Variants in SLC22A23 observed in about 807,000 individuals in gnomAD.
SLC22A23 encodes solute carrier family 22 member 23.
In SLC22A23, 26 loss-of-function variants were observed where a neutral mutation model predicts 61.0. The ratio of observed to expected loss-of-function variants is 0.43; its 90% CI spans 0.31 to 0.59. The LOEUF is 0.59. Ranked by LOEUF, SLC22A23 falls within the 20% of genes least tolerant of loss-of-function variation. The pLI is 0.11. For missense variants in SLC22A23, 796 were observed against 934.7 expected (o/e 0.85, Z 1.94); for synonymous variants, 430 against 413.9 (o/e 1.04, Z -0.47).
At position 3,272,878 on chromosome 6, in the gene SLC22A23, G is replaced by A. The variant is rs1055890686; in HGVS notation, c.*177C>T. Reference sequence around the variant, plus strand: ...TGAAAGGGTTATTTCCAAAGAGTTTGTCTCCTCCGACCCGCGCTCCTTGGA... The same window carrying A: ...TGAAAGGGTTATTTCCAAAGAGTTTATCTCCTCCGACCCGCGCTCCTTGGA... On this transcript the variant is annotated 3_prime_UTR_variant, in exon 10 of 10. Coordinates refer to ENST00000406686, the MANE Select transcript of SLC22A23 (RefSeq NM_015482.2). 1.1e-5 allele frequency: 6 copies of A among 542,212 alleles called. No individual in the cohort carries two copies. The highest frequency in any genetic ancestry group is 1.9e-5 in the Non-Finnish European group (6 of 312,396). 33.6% of individuals were successfully genotyped at this position (542,212 alleles called of 1,614,324 possible).
At chr6:3,393,694 A>G (rs1767813957) in intron 3 of SLC22A23, among the ~76,000 whole-genome samples, 1 of 152,230 alleles carries the variant, frequency 6.6e-6, no homozygotes, top group African/African-American at 2.4e-5. Flanking sequence ...CCTTTGTCCA[A>G]ATTCTTTGGG....
chr6:3,421,831 A>T (rs1248178735), intron 1 of SLC22A23, among the ~76,000 whole-genome samples: 1 of 152,244 alleles, frequency 6.6e-6, no homozygotes, highest in Non-Finnish European at 1.5e-5. Flanking sequence ...GTATTTTAAG[A>T]CAATCCTATA....
intron 1 of SLC22A23, among the ~76,000 whole-genome samples, chr6:3,446,879 A>C (rs1771921507): frequency 6.6e-6 from 1 of 152,148 alleles, no homozygotes; most frequent in South Asian, 2.1e-4. Context: ...CAGCTGGCTA[A>C]GGGCATCTCC....
Position 3,289,793 on chromosome 6 carries a change from C to A in SLC22A23, c.1284G>T (p.Trp428Cys). 2 of 1,613,978 alleles carry A rather than the reference C, an allele frequency of 1.2e-6. No individual in the cohort carries two copies. The highest frequency in any genetic ancestry group is 1.7e-6 in the Non-Finnish European group (2 of 1,179,988). Residue 428 changes from tryptophan to cysteine, a missense_variant, in exon 6 of 10, where the codon TGG becomes TGT. By Grantham distance (215) the Trp-to-Cys change is radical (BLOSUM62 -2). Transcript: ENST00000406686. Reference sequence around the variant, plus strand: ...TCACACACAGGACCACAATGTTCTTCCACAGGTTCCGTGTCCCCACCACCT... The same window carrying A: ...TCACACACAGGACCACAATGTTCTTACACAGGTTCCGTGTCCCCACCACCT... ...IVKVVGTRNL[W>C]KNIVVLCVNS...
intron 3 of SLC22A23, among the ~76,000 whole-genome samples, chr6:3,398,028 A>G (rs1289862576): frequency 6.6e-6 from 1 of 152,236 alleles, no homozygotes; most frequent in Non-Finnish European, 1.5e-5. Flanking sequence ...CAAAGCAGCC[A>G]GTACTATTTA....
Position 3,333,689 on chromosome 6 carries a change from G to A in SLC22A23, c.914-9687C>T, listed in dbSNP as rs771203384. Among the ~76,000 whole-genome samples the A allele has an allele frequency of 6.6e-6, 1 of 152,114 alleles. No homozygotes were observed. Among genetic ancestry groups the A allele is most frequent in the African/African-American group, 2.4e-5 (1 of 41,410 alleles). On this transcript the variant is annotated intron_variant, in intron 3 of 9. Transcript: ENST00000406686. The surrounding 1 kb of genome is among the most constrained non-coding windows in gnomAD (Gnocchi z 4.1). Reference sequence around the variant, plus strand: ...CTGCCCTCTTGCTTCCCCATGTTGCGACCACACAGAGGAGAGTGCCTCCCC... The same window carrying A: ...CTGCCCTCTTGCTTCCCCATGTTGCAACCACACAGAGGAGAGTGCCTCCCC...
intron 5 of SLC22A23, among the ~76,000 whole-genome samples, chr6:3,293,120 G>A (rs941691159): frequency 3.3e-5 from 5 of 152,224 alleles, no homozygotes; most frequent in African/African-American, 1.2e-4. Context: ...TGGCTTGCGT[G>A]GGGGTATGAG....
At position 3,410,385 on chromosome 6, in the gene SLC22A23, A is replaced by G. The variant is rs1386480378; in HGVS notation, c.759-43T>C. 14 of 1,532,398 alleles carry G rather than the reference A, an allele frequency of 9.1e-6. No individual in the cohort carries two copies. In the East Asian group the frequency reaches 3.4e-4, roughly 37 times the overall value. The allele number at this position is 1,532,398 out of a possible 1,614,324, so 94.9% of individuals were successfully genotyped here. On this transcript the variant is annotated intron_variant, in intron 2 of 9. Coordinates refer to ENST00000406686, the MANE Select transcript of SLC22A23 (RefSeq NM_015482.2). This position sits in a 1 kb window ranked among gnomAD's most constrained non-coding sequence, Gnocchi z 5.0. ...AAAAGTTAGGAATCATTGTGAAACA[A>G]GACAATGACGCTAGATGCTGAAACC...
intron 6 of SLC22A23, among the ~76,000 whole-genome samples, chr6:3,288,444 G>A (rs551299983): frequency 9.9e-5 from 15 of 152,158 alleles, no homozygotes; most frequent in South Asian, 2.1e-4. Context: ...CCCAGCCCCC[G>A]CACAATGGCT....
Position 3,324,707 on chromosome 6 carries a change from TCATG to T in SLC22A23, c.914-709_914-706del, listed in dbSNP as rs1307969099. 6.6e-6 allele frequency among the ~76,000 whole-genome samples: 1 copy of T among 152,136 alleles called. No homozygotes were observed. Among genetic ancestry groups the T allele is most frequent in the Non-Finnish European group, 1.5e-5 (1 of 68,030 alleles). On this transcript the variant is annotated intron_variant, in intron 3 of 9. Transcript: ENST00000406686. The surrounding 1 kb of genome is among the most constrained non-coding windows in gnomAD (Gnocchi z 4.3). ...TGTGGGCCACTGCAACACGGGTGAG[TCATG>T]CATCCTTTCTCTGTCTCTATTGGAC...
At chr6:3,301,852 G>A (rs1208903225) in intron 4 of SLC22A23, among the ~76,000 whole-genome samples, 1 of 152,252 alleles carries the variant, frequency 6.6e-6, no homozygotes, top group East Asian at 1.9e-4. Context: ...CAGTTTTGAA[G>A]CCAGGATAGG....
In SLC22A23 at chr6:3,269,035, A is replaced by G. The variant is rs368912359; in HGVS notation, c.*4020T>C. The G allele has an allele frequency of 2.6e-5, 4 of 152,332 alleles. No individual in the cohort carries two copies. Among genetic ancestry groups the G allele is most frequent in the African/African-American group, 4.8e-5 (2 of 41,428 alleles). 9.4% of individuals were successfully genotyped at this position (152,332 alleles called of 1,614,324 possible). On this transcript the variant is annotated 3_prime_UTR_variant, in exon 10 of 10. Coordinates refer to ENST00000406686, the MANE Select transcript of SLC22A23 (RefSeq NM_015482.2). ...TTCGTTAAAAAATACATTAGAGAAG[A>G]GAGTTTTGGGTTACCAGTCTTTCCT...
At position 3,447,895 on chromosome 6, in the gene SLC22A23, C is replaced by CTTT. The variant is rs368195068; in HGVS notation, c.654+8010_654+8011insAAA. On this transcript the variant is annotated intron_variant, in intron 1 of 9. Transcript: ENST00000406686. Reference sequence around the variant, plus strand: ...GAGCTACCATGCCTGGCCTCTCTCTCTCTTTTTTTTTTTTTTTTTTTGAGA... The same window carrying CTTT: ...GAGCTACCATGCCTGGCCTCTCTCTCTTTTCTTTTTTTTTTTTTTTTTTTGAGA... Among the ~76,000 whole-genome samples the CTTT allele has an allele frequency of 6.2e-3, 483 of 78,034 alleles. 32 individuals are homozygous for CTTT. The highest frequency in any genetic ancestry group is 0.019 in the African/African-American group (292 of 15,356). 51.2% of individuals were successfully genotyped at this position (78,034 alleles called of 152,430 possible). A position where few individuals can be genotyped will look rare whatever the true frequency, so the allele number is the denominator to read the frequency against.
chr6:3,415,927 C>T, intron 1 of SLC22A23, 72 bp from the exon 2 acceptor site: 1 of 1,144,518 alleles, frequency 8.7e-7, no homozygotes, highest in Non-Finnish European at 1.3e-6. Context: ...ATTATAAGGG[C>T]AATACAATAA....
At chr6:3,356,749 C>T (rs924850692) in intron 3 of SLC22A23, among the ~76,000 whole-genome samples, 1 of 152,172 alleles carries the variant, frequency 6.6e-6, no homozygotes, top group African/African-American at 2.4e-5. Context: ...CAACAACCAC[C>T]TGTAATAAGG....
At chr6:3,389,950 C>G (rs1767562133) in intron 3 of SLC22A23, among the ~76,000 whole-genome samples, 1 of 152,200 alleles carries the variant, frequency 6.6e-6, no homozygotes, top group Non-Finnish European at 1.5e-5. Context: ...AGCTGATGTA[C>G]CCATCCTCCA....
chr6:3,301,654 T>A (rs1014952170), intron 4 of SLC22A23, among the ~76,000 whole-genome samples: 3 of 152,144 alleles, frequency 2.0e-5, no homozygotes, highest in African/African-American at 7.2e-5. Context: ...TTCCAACCCC[T>A]AGGGCCACGT....
At chr6:3,426,206 A>G (rs1770476782) in intron 1 of SLC22A23, among the ~76,000 whole-genome samples, 1 of 152,254 alleles carries the variant, frequency 6.6e-6, no homozygotes, top group Non-Finnish European at 1.5e-5. Context: ...TATTTTAAAA[A>G]CAAAGAAACT....
At position 3,294,293 on chromosome 6, in the gene SLC22A23, T is replaced by C. The variant is rs1760882469; in HGVS notation, c.1210+3798A>G. Among the ~76,000 whole-genome samples the C allele has an allele frequency of 2.0e-5, 3 of 150,894 alleles. No individual in the cohort carries two copies. In the South Asian group the frequency reaches 6.3e-4, roughly 32 times the overall value. On this transcript the variant is annotated intron_variant, in intron 5 of 9. Coordinates refer to ENST00000406686, the MANE Select transcript of SLC22A23 (RefSeq NM_015482.2). ...CCATTTGAGCATTCGACATTCTACA[T>C]TGAGTTACATTACTACCATTTGAGA...
Sources: gnomAD v4.1 joint callset for allele counts (sites outside exome capture counted in the v4.1 genomes callset) on GRCh38, gnomAD v4.1.1 for gene constraint, Gnocchi (gnomAD v3.1) non-coding constraint, MANE v1.5 for transcripts, NCBI Gene and HGNC (gene_info 2026-07-23, HGNC 2026-07-21) for gene names.